The following SPAST variants were observed in gnomAD, a reference collection of about 807,000 sequenced individuals.
SPAST encodes the protein spastic paraplegia 4 (autosomal dominant; spastin).
Under a neutral mutation model 76.6 loss-of-function variants are expected in SPAST, and 30 were observed. The observed-to-expected ratio is 0.39, with a 90% CI of 0.29 to 0.53. The LOEUF (loss-of-function observed/expected upper bound fraction) is 0.53, where lower values mean the gene tolerates loss of function less well. Among genes scored for constraint, SPAST ranks in the 20% least tolerant of loss-of-function variants. The pLI is 0.68. For missense variants in SPAST, 717 were observed against 770.5 expected (o/e 0.93, Z 0.82); for synonymous variants, 305 against 281.0 (o/e 1.09, Z -0.86).
At chr2:32,126,133 A>C (rs1180623277) in intron 7 of SPAST, among the ~76,000 whole-genome samples, 1 of 152,112 alleles carries the variant, frequency 6.6e-6, no homozygotes, top group Non-Finnish European at 1.5e-5. Context: ...TGCCTGCCTT[A>C]CTACTGCTTT....
chr2:32,103,936 A>G (rs1454404310), intron 4 of SPAST, among the ~76,000 whole-genome samples: 1 of 152,100 alleles, frequency 6.6e-6, no homozygotes, highest in East Asian at 1.9e-4. Context: ...AGAAGAATGT[A>G]TATTCTGTTG....
rs1323570304 is a variant in SPAST at position 32,126,931 on chromosome 2, A to C, written c.1099-17A>C. On this transcript the variant is annotated splice_polypyrimidine_tract_variant and intron_variant, in intron 7 of 16. Coordinates refer to ENST00000315285, the MANE Select transcript of SPAST (RefSeq NM_014946.4). ...TCTCTAGAATCATAGTTGTAAACTA[A>C]AGTATATATTTTTTAGTTGTTCACA... The C allele has an allele frequency of 1.3e-6, 2 of 1,559,794 alleles. No homozygotes were observed. Among genetic ancestry groups the C allele is most frequent in the Non-Finnish European group, 1.8e-6 (2 of 1,130,730 alleles).
At chr2:32,069,845 C>T (rs181535068) in intron 1 of SPAST, among the ~76,000 whole-genome samples, 36 of 152,138 alleles carry the variant, frequency 2.4e-4, no homozygotes, top group Non-Finnish European at 1.5e-4. Context: ...AGGTGTGAGC[C>T]ACTGCGCCTG....
At chr2:32,130,115 G>A (rs6761417) in intron 9 of SPAST, 68,989 of 151,848 alleles carry the variant, frequency 0.45, 15,878 homozygotes, top group Admixed American at 0.48. Context: ...GGGCAACATA[G>A]TGAGACCCCC....
At chr2:32,148,656 A>C (rs1223409645) in intron 16 of SPAST, among the ~76,000 whole-genome samples, 2 of 152,094 alleles carry the variant, frequency 1.3e-5, no homozygotes, top group East Asian at 3.9e-4. Context: ...AAAAAATACA[A>C]AAAAATTACC....
chr2:32,086,373 G>A (rs897327311), intron 1 of SPAST, among the ~76,000 whole-genome samples: 3 of 151,926 alleles, frequency 2.0e-5, no homozygotes, highest in African/African-American at 7.3e-5. Flanking sequence ...AAGGGAAGAG[G>A]ATGGATCACT....
chr2:32,083,750 CTA>C lies in SPAST; in HGVS notation c.416-3716_416-3715del, dbSNP rs869090344. On this transcript the variant is annotated intron_variant, in intron 1 of 16. Coordinates refer to ENST00000315285, the MANE Select transcript of SPAST (RefSeq NM_014946.4). The stretch of plus-strand genomic sequence containing the variant: ...TATATACTATATATATTTATATATA[CTA>C]TATATATATATATATATATATATAT... 8.6e-3 allele frequency among the ~76,000 whole-genome samples: 537 copies of C among 62,764 alleles called. 23 individuals are homozygous for C. The highest frequency in any genetic ancestry group is 0.013 in the African/African-American group (201 of 15,750). The allele number at this position is 62,764 out of a possible 152,430, so 41.2% of individuals were successfully genotyped here.
rs896981745 is a variant in SPAST at position 32,126,786 on chromosome 2, G to C, written c.1099-162G>C. ...CAGGTGTGAGCCACCACACCCAGCT[G>C]TTTTTAATTATTACATTAATTTATG... is the stretch of plus-strand genomic sequence containing the variant. On this transcript the variant is annotated intron_variant, in intron 7 of 16. Transcript: ENST00000315285. The C allele has an allele frequency of 1.3e-4, 78 of 591,536 alleles. No individual in the cohort carries two copies. The South Asian group carries it at 1.5e-3, about 12-fold the overall frequency. The allele number at this position is 591,536 out of a possible 1,614,324, so 36.6% of individuals were successfully genotyped here. A position where few individuals can be genotyped will look rare whatever the true frequency, so the allele number is the denominator to read the frequency against.
At chr2:32,121,565 C>A (rs1310601999) in intron 7 of SPAST, among the ~76,000 whole-genome samples, 17 of 110,174 alleles carry the variant, frequency 1.5e-4, no homozygotes, top group Admixed American at 3.4e-4. Flanking sequence ...TTTTAAGACA[C>A]AGTCTTGCTC....
intron 4 of SPAST, among the ~76,000 whole-genome samples, chr2:32,113,849 G>C (rs536473041): frequency 6.6e-6 from 1 of 151,982 alleles, no homozygotes; most frequent in Admixed American, 6.6e-5. Context: ...TTACAGGTGT[G>C]AGCCATCGCG....
chr2:32,153,879 C>G (rs912090666), intron 16 of SPAST, among the ~76,000 whole-genome samples: 11 of 152,014 alleles, frequency 7.2e-5, no homozygotes, highest in Admixed American at 3.3e-4. Context: ...GAGTTCAGGA[C>G]CAACCTGGCC....
chr2:32,082,638 G>C (rs556203950), intron 1 of SPAST, among the ~76,000 whole-genome samples: 1 of 152,120 alleles, frequency 6.6e-6, no homozygotes, highest in South Asian at 2.1e-4. Context: ...GGAGGTTCCA[G>C]GGAGCTGAGA....
chr2:32,100,462 T>C (rs1214526631), intron 4 of SPAST, among the ~76,000 whole-genome samples: 1 of 151,950 alleles, frequency 6.6e-6, no homozygotes, highest in Non-Finnish European at 1.5e-5. Context: ...AATAATTATA[T>C]ATATATTTTT....
At chr2:32,076,316 A>G in intron 1 of SPAST, among the ~76,000 whole-genome samples, 1 of 152,226 alleles carries the variant, frequency 6.6e-6, no homozygotes, top group Non-Finnish European at 1.5e-5. Context: ...TAACAGGGAA[A>G]ATAATTCTTT....
chr2:32,065,119 C>G (rs1573030021), intron 1 of SPAST, among the ~76,000 whole-genome samples: 2 of 151,790 alleles, frequency 1.3e-5, no homozygotes, highest in Non-Finnish European at 2.9e-5. Context: ...TCCCTGGTTC[C>G]AGCGATTCTC....
intron 4 of SPAST, among the ~76,000 whole-genome samples, chr2:32,113,075 A>G (rs1404047465): frequency 6.6e-6 from 1 of 152,150 alleles, no homozygotes; most frequent in Non-Finnish European, 1.5e-5. Flanking sequence ...CCCATATAAT[A>G]CTTAGCATAT....
chr2:32,145,067 A>G (rs1438282627), intron 15 of SPAST, 60 bp downstream of exon 15: 2 of 1,272,806 alleles, frequency 1.6e-6, no homozygotes, highest in Non-Finnish European at 2.3e-6. Flanking sequence ...TAGAAGTTTA[A>G]GAAGTCCAAA....
intron 16 of SPAST, among the ~76,000 whole-genome samples, chr2:32,150,439 T>A (rs963312031): frequency 1.1e-4 from 16 of 151,480 alleles, no homozygotes; most frequent in East Asian, 1.9e-4. Flanking sequence ...ATTTAATTTA[T>A]TTTTATTTTA....
intron 4 of SPAST, 134 bp from the exon 5 acceptor site, chr2:32,114,504 T>C: frequency 1.4e-6 from 1 of 720,562 alleles, no homozygotes; most frequent in Non-Finnish European, 2.4e-6. Context: ...TGGTACATGT[T>C]CTCATTGAAA....
Sources: allele counts gnomAD v4.1 joint callset (sites outside exome capture counted in the v4.1 genomes callset), GRCh38; gene constraint gnomAD v4.1.1; transcripts MANE v1.5; gene names NCBI Gene and HGNC (gene_info 2026-07-23, HGNC 2026-07-21).